DGKB: variants seen among roughly 807,000 people sequenced by gnomAD.
The protein encoded by DGKB is diacylglycerol kinase beta, also known as 90 kDa diacylglycerol kinase.
Under a neutral mutation model 114.3 loss-of-function variants are expected in DGKB, and 67 were observed. The ratio of observed to expected loss-of-function variants is 0.59; its 90% CI spans 0.48 to 0.72. DGKB has a LOEUF of 0.72. Ranked by LOEUF, DGKB falls within the 30% of genes least tolerant of loss-of-function variation. DGKB has a pLI of 0.00. For missense variants in DGKB, 907 were observed against 975.2 expected, an observed-to-expected ratio of 0.93 and a Z score of 0.93; for synonymous variants, 398 against 323.1, an observed-to-expected ratio of 1.23 and a Z score of -2.49.
chr7:14,798,708 G>A (rs2128041982), intron 2 of DGKB, among the ~76,000 whole-genome samples: 1 of 152,234 alleles, frequency 6.6e-6, no homozygotes, highest in Non-Finnish European at 1.5e-5. Context: ...GTTATAACAG[G>A]ACTTATGGTT....
rs563839141 is a variant in DGKB at position 14,589,560 on chromosome 7, T to C, written c.1434-6423A>G. On this transcript the variant is annotated intron_variant, in intron 17 of 25. Transcript: ENST00000402815. Reference sequence around the variant, plus strand: ...TTACTTTCCTTCTTTTTGATGGAGATTTTTTATGAGGTTAACAAGTTTCTC... The same window carrying C: ...TTACTTTCCTTCTTTTTGATGGAGACTTTTTATGAGGTTAACAAGTTTCTC... Among the ~76,000 whole-genome samples the C allele has an allele frequency of 5.9e-5, 9 of 152,058 alleles. No individual in the cohort carries two copies. The South Asian group carries it at 6.2e-4, about 11-fold the overall frequency.
chr7:14,238,216 T>C (rs1167208243), intron 23 of DGKB, among the ~76,000 whole-genome samples: 2 of 152,022 alleles, frequency 1.3e-5, no homozygotes, highest in African/African-American at 2.4e-5. Flanking sequence ...TGGAAGGTGA[T>C]TGGATCACGG....
chr7:14,838,920 C>A (rs4721378), intron 2 of DGKB, among the ~76,000 whole-genome samples: 1 of 152,084 alleles, frequency 6.6e-6, no homozygotes, highest in African/African-American at 2.4e-5. Context: ...AAATTTATGC[C>A]AAATTTTCCT....
chr7:14,249,025 C>A (rs1794858757), intron 23 of DGKB, among the ~76,000 whole-genome samples: 1 of 152,128 alleles, frequency 6.6e-6, no homozygotes, highest in East Asian at 1.9e-4. Flanking sequence ...CCTTCTATAC[C>A]TAATTTGGTG....
chr7:14,575,493 T>C (rs1333741322), intron 19 of DGKB, among the ~76,000 whole-genome samples: 1 of 152,232 alleles, frequency 6.6e-6, no homozygotes, highest in African/African-American at 2.4e-5. Flanking sequence ...GTTACTGTTT[T>C]TGTTTCTGAA....
At chr7:14,956,108 G>A (rs1786491356) in intron 1 of DGKB, among the ~76,000 whole-genome samples, 1 of 151,968 alleles carries the variant, frequency 6.6e-6, no homozygotes, top group African/African-American at 2.4e-5. Flanking sequence ...AATATGCTAA[G>A]ACTCATCTCA....
intron 2 of DGKB, among the ~76,000 whole-genome samples, chr7:14,813,382 G>C (rs185582870): frequency 2.6e-5 from 4 of 152,264 alleles, no homozygotes; most frequent in African/African-American, 9.6e-5. Context: ...ACATAAATGA[G>C]TACCAATGAG....
intron 23 of DGKB, among the ~76,000 whole-genome samples, chr7:14,205,636 C>T (rs546281812): frequency 6.6e-5 from 10 of 152,058 alleles, no homozygotes; most frequent in African/African-American, 1.9e-4. Flanking sequence ...CCAACTTATC[C>T]TCCTTATAAA....
At chr7:14,524,614 G>A (rs1790333614) in intron 20 of DGKB, among the ~76,000 whole-genome samples, 1 of 151,930 alleles carries the variant, frequency 6.6e-6, no homozygotes, top group Admixed American at 6.6e-5. Flanking sequence ...AAGTCAGCTG[G>A]GCATGGTGGT....
chr7:14,670,931 G>T (rs1295753528), intron 13 of DGKB, among the ~76,000 whole-genome samples: 1 of 152,022 alleles, frequency 6.6e-6, no homozygotes, highest in Non-Finnish European at 1.5e-5. Context: ...AATATTTACT[G>T]AATAAATTAA....
intron 1 of DGKB, among the ~76,000 whole-genome samples, chr7:14,873,941 A>C (rs1852866201): frequency 6.6e-6 from 1 of 152,118 alleles, no homozygotes; most frequent in South Asian, 2.1e-4. Flanking sequence ...CAATCTTATT[A>C]ATCAAAACAT....
Position 14,769,228 on chromosome 7 carries a change from G to A in DGKB, c.71-11497C>T, listed in dbSNP as rs5882463. 6.3e-3 allele frequency among the ~76,000 whole-genome samples: 755 copies of A among 119,622 alleles called. 7 individuals carry two copies. Among genetic ancestry groups the A allele is most frequent in the African/African-American group, 0.022 (663 of 30,768 alleles). The allele number at this position is 119,622 out of a possible 152,430, so 78.5% of individuals were successfully genotyped here. ...GAAAGGAAAGAAAGAGAAAGAGAGA[G>A]AGAAAGAAAGAAAGAAAGAAAGAAA... On this transcript the variant is annotated intron_variant, in intron 2 of 25. Coordinates refer to ENST00000402815, the MANE Select transcript of DGKB (RefSeq NM_001350709.2).
At chr7:14,662,135 G>T (rs1817239255) in intron 13 of DGKB, among the ~76,000 whole-genome samples, 1 of 151,870 alleles carries the variant, frequency 6.6e-6, no homozygotes, top group South Asian at 2.1e-4. Flanking sequence ...CAGCGCACCA[G>T]CATGGCACAT....
intron 1 of DGKB, among the ~76,000 whole-genome samples, chr7:14,913,055 G>T (rs530673704): frequency 3.2e-4 from 49 of 152,126 alleles, no homozygotes; most frequent in African/African-American, 1.1e-3. Context: ...CATCAAGAAA[G>T]GTGGTGCTGG....
intron 12 of DGKB, among the ~76,000 whole-genome samples, chr7:14,673,253 A>G (rs1395710094): frequency 6.6e-6 from 1 of 152,078 alleles, no homozygotes; most frequent in Admixed American, 6.6e-5. Context: ...ACATTTTATA[A>G]TTCTCAGAAA....
At chr7:14,584,752 G>C (rs1294662980) in intron 17 of DGKB, among the ~76,000 whole-genome samples, 1 of 151,650 alleles carries the variant, frequency 6.6e-6, no homozygotes, top group Admixed American at 6.6e-5. Flanking sequence ...TCCTCCTCCT[G>C]GGTTCAAGGG....
chr7:14,844,899 G>T (rs983689685), intron 1 of DGKB, among the ~76,000 whole-genome samples: 1 of 152,012 alleles, frequency 6.6e-6, no homozygotes, highest in South Asian at 2.1e-4. Context: ...TTGAGCTCAG[G>T]AGTTCTAGAC....
At chr7:14,780,992 T>G (rs983765279) in intron 2 of DGKB, among the ~76,000 whole-genome samples, 1 of 152,210 alleles carries the variant, frequency 6.6e-6, no homozygotes, top group Admixed American at 6.5e-5. Context: ...TGTCACTTCT[T>G]ATTTTGATGT....
chr7:14,569,954 T>C (rs377489868), intron 20 of DGKB, among the ~76,000 whole-genome samples: 2 of 151,612 alleles, frequency 1.3e-5, no homozygotes, highest in East Asian at 3.9e-4. Flanking sequence ...TTTTTTGTTA[T>C]TGTTTCTGGA....
Sources: gnomAD v4.1 joint callset for allele counts (sites outside exome capture counted in the v4.1 genomes callset) on GRCh38, gnomAD v4.1.1 for gene constraint, MANE v1.5 for transcripts, NCBI Gene and HGNC (gene_info 2026-07-23, HGNC 2026-07-21) for gene names.